TNFSF4: variants seen among roughly 807,000 people sequenced by gnomAD.
TNFSF4 encodes the protein TNF superfamily member 4.
TNFSF4 carries 4 observed loss-of-function variants against 7.3 expected under a neutral mutation model. The observed-to-expected ratio is 0.55, with a 90% CI of 0.27 to 1.25. The LOEUF (loss-of-function observed/expected upper bound fraction) is 1.25. TNFSF4 is among the 50% of genes most tolerant of loss of function. The pLI is 0.12. For missense variants in TNFSF4, 181 were observed against 208.8 expected (o/e 0.87, Z 0.82); for synonymous variants, 76 against 83.7 (o/e 0.91, Z 0.50).
At chr1:173,208,322 T>G (rs978901134), upstream of TNFSF4, among the ~76,000 whole-genome samples, 3 of 152,172 alleles carry the variant, frequency 2.0e-5, no homozygotes, top group Non-Finnish European at 2.9e-5. Flanking sequence ...TCTCTCTTTG[T>G]GGCCAAGTAT....
At chr1:173,427,880 GGTAAT>G in the TNFSF4 span, among the ~76,000 whole-genome samples, 9 of 151,898 alleles carry the variant, frequency 5.9e-5, no homozygotes, top group African/African-American at 2.2e-4. Flanking sequence ...ACATAGAAAA[GGTAAT>G]GTGTTGTGCT....
chr1:173,363,335 TA>T, the TNFSF4 span: 5 of 296,354 alleles, frequency 1.7e-5, no homozygotes, highest in Admixed American at 1.3e-4. Context: ...AGATTACATT[TA>T]TTTTCTGCAG....
At chr1:173,429,814 G>A in the TNFSF4 span, among the ~76,000 whole-genome samples, 86 of 152,364 alleles carry the variant, frequency 5.6e-4, no homozygotes, top group Middle Eastern at 3.4e-3. Context: ...GAAAAGTTGA[G>A]TGAGAATGTA....
chr1:173,289,954 A>C, the TNFSF4 span, among the ~76,000 whole-genome samples: 15 of 152,270 alleles, frequency 9.9e-5, no homozygotes, highest in East Asian at 2.5e-3. Flanking sequence ...GAGGCTAAAA[A>C]AAAAAAATCT....
chr1:173,218,997 G>C, the TNFSF4 span, among the ~76,000 whole-genome samples: 17 of 152,170 alleles, frequency 1.1e-4, no homozygotes, highest in African/African-American at 3.9e-4. Flanking sequence ...AGAGCCAATT[G>C]CCAATTGTAT....
the TNFSF4 span, among the ~76,000 whole-genome samples, chr1:173,173,186 G>A: frequency 1.3e-5 from 2 of 152,144 alleles, no homozygotes; most frequent in Non-Finnish European, 2.9e-5. Flanking sequence ...CACAGAGCCA[G>A]ACTATATCAT....
chr1:173,234,983 C>A, the TNFSF4 span, among the ~76,000 whole-genome samples: 2 of 152,080 alleles, frequency 1.3e-5, no homozygotes, highest in Non-Finnish European at 2.9e-5. Context: ...AGATCTATAT[C>A]TTGCAGGAAT....
At chr1:173,283,523 C>A in the TNFSF4 span, among the ~76,000 whole-genome samples, 1 of 152,112 alleles carries the variant, frequency 6.6e-6, no homozygotes, top group Non-Finnish European at 1.5e-5. Context: ...AACTGGAAAT[C>A]CTCTCTAGAG....
At chr1:173,251,020 G>GC in the TNFSF4 span, among the ~76,000 whole-genome samples, 1 of 152,140 alleles carries the variant, frequency 6.6e-6, no homozygotes, top group African/African-American at 2.4e-5. Context: ...AAATTCTGAG[G>GC]CCCCACCTAA....
At chr1:173,181,262 A>T (rs1649051265), downstream of TNFSF4, among the ~76,000 whole-genome samples, 1 of 152,166 alleles carries the variant, frequency 6.6e-6, no homozygotes, top group South Asian at 2.1e-4. Context: ...CTTCCTGTTA[A>T]TTACTTTTGT....
the TNFSF4 span, among the ~76,000 whole-genome samples, chr1:173,390,882 A>T: frequency 2.0e-5 from 3 of 151,746 alleles, no homozygotes. Flanking sequence ...AGTAGCTGGA[A>T]TTACAGGTGC....
the TNFSF4 span, among the ~76,000 whole-genome samples, chr1:173,313,985 G>T: frequency 4.7e-4 from 71 of 151,702 alleles, 2 homozygotes; most frequent in East Asian, 1.9e-4. Context: ...TTTCCCTTAT[G>T]TATAATCATA....
At chr1:173,362,893 C>T in the TNFSF4 span, 1 of 478,452 alleles carries the variant, frequency 2.1e-6, no homozygotes, top group Admixed American at 2.3e-5. Context: ...ACAAATGGCA[C>T]ATCACCCAAG....
chr1:173,373,766 C>A, the TNFSF4 span, among the ~76,000 whole-genome samples: 1 of 152,222 alleles, frequency 6.6e-6, no homozygotes, highest in Non-Finnish European at 1.5e-5. Context: ...GATTTCAATA[C>A]TTGTTGGTCT....
chr1:173,205,124 A>G (rs1037364380), intron 1 of TNFSF4, among the ~76,000 whole-genome samples: 1 of 152,252 alleles, frequency 6.6e-6, no homozygotes, highest in Non-Finnish European at 1.5e-5. Context: ...TTAGCTAATT[A>G]GAAATAAAAA....
At chr1:173,304,988 AT>A in the TNFSF4 span, among the ~76,000 whole-genome samples, 2 of 151,958 alleles carry the variant, frequency 1.3e-5, no homozygotes, top group South Asian at 2.1e-4. Flanking sequence ...GCAAACCCAG[AT>A]TGATGCACTT....
the TNFSF4 span, among the ~76,000 whole-genome samples, chr1:173,275,130 G>T: frequency 6.6e-6 from 1 of 151,984 alleles, no homozygotes; most frequent in Non-Finnish European, 1.5e-5. Context: ...TTTACTCATG[G>T]CAGAGCATGC....
chr1:173,405,465 C>A, the TNFSF4 span, among the ~76,000 whole-genome samples: 3 of 152,294 alleles, frequency 2.0e-5, no homozygotes, highest in Admixed American at 2.0e-4. Context: ...TCACAGTTTA[C>A]CAATCCCTGA....
the TNFSF4 span, among the ~76,000 whole-genome samples, chr1:173,258,272 G>A: frequency 6.6e-6 from 1 of 151,852 alleles, no homozygotes; most frequent in Non-Finnish European, 1.5e-5. Context: ...CACCTTCAAC[G>A]GAGGTATGCA....
Sources: gnomAD v4.1 joint callset for allele counts (sites outside exome capture counted in the v4.1 genomes callset) on GRCh38, gnomAD v4.1.1 for gene constraint, MANE v1.5 for transcripts, NCBI Gene and HGNC (gene_info 2026-07-23, HGNC 2026-07-21) for gene names.